The following RAPGEF5 variants were observed in gnomAD, a reference collection of about 807,000 sequenced individuals.
RAPGEF5 encodes the protein M-Ras-regulated GEF.
A neutral mutation model predicts 125.2 loss-of-function variants in RAPGEF5; 65 were observed. That is an observed-to-expected ratio of 0.52 (90% confidence interval 0.43 to 0.64). RAPGEF5 has a LOEUF of 0.64. Ranked by LOEUF, RAPGEF5 falls within the 30% of genes least tolerant of loss-of-function variation. The pLI is 0.00. For missense variants in RAPGEF5, 958 were observed against 1,048.1 expected (o/e 0.91, Z 1.19); for synonymous variants, 391 against 385.9 (o/e 1.01, Z -0.16).
In RAPGEF5 at chr7:22,291,193, A is replaced by G. The variant is rs1247385712; in HGVS notation, c.729T>C (p.Leu243=). 1 of 1,590,130 alleles carries G rather than the reference A, an allele frequency of 6.3e-7. No homozygotes were observed. Among genetic ancestry groups the G allele is most frequent in the Non-Finnish European group, 8.6e-7 (1 of 1,169,172 alleles). The change falls in exon 6 of 26, where the codon CTT becomes CTC. Residue 243 remains leucine, a synonymous_variant. Transcript: ENST00000665637. ...EDSEESSDEI[L]VRLTSAVQRE... ...GTCTTACCGCAGATGTTAGACGCACAAGAATTTCATCACTGCTTTCTTCGG... is the reference window on the plus strand; with the variant it reads ...GTCTTACCGCAGATGTTAGACGCACGAGAATTTCATCACTGCTTTCTTCGG...
intron 21 of RAPGEF5, among the ~76,000 whole-genome samples, chr7:22,139,017 G>C (rs370092800): frequency 1.3e-5 from 2 of 152,288 alleles, no homozygotes; most frequent in East Asian, 3.9e-4. Flanking sequence ...CTTTAAGGAG[G>C]ACTGACTCTG....
At chr7:22,178,693 G>A (rs753922575) in intron 11 of RAPGEF5, among the ~76,000 whole-genome samples, 1 of 152,162 alleles carries the variant, frequency 6.6e-6, no homozygotes, top group Non-Finnish European at 1.5e-5. Flanking sequence ...TATCTTCATG[G>A]CACATGGATG....
intron 24 of RAPGEF5, among the ~76,000 whole-genome samples, chr7:22,127,919 T>G (rs1034788223): frequency 4.6e-5 from 7 of 152,204 alleles, no homozygotes; most frequent in African/African-American, 1.7e-4. Flanking sequence ...AATAGGACAG[T>G]GATTATTGCA....
Position 22,147,025 on chromosome 7 carries a change from C to T in RAPGEF5, c.1885-6G>A. ...TCATTTTCTGCAAATGGGTTCTAAA[C>T]CAACAGAAGCAAAAAGATCCTCAGT... On this transcript the variant is annotated splice_polypyrimidine_tract_variant and splice_region_variant and intron_variant, in intron 18 of 25. Coordinates refer to ENST00000665637, the MANE Select transcript of RAPGEF5 (RefSeq NM_012294.5). 2 of 1,610,514 alleles carry T rather than the reference C, an allele frequency of 1.2e-6. No individual in the cohort carries two copies. The highest frequency in any genetic ancestry group is 2.2e-5 in the East Asian group (1 of 44,842).
chr7:22,307,254 A>C (rs1192787870), intron 5 of RAPGEF5, among the ~76,000 whole-genome samples: 1 of 152,144 alleles, frequency 6.6e-6, no homozygotes, highest in Admixed American at 6.6e-5. Context: ...TTTTCATTAC[A>C]GAGATCTTTC....
At chr7:22,232,922 C>G (rs1421303085) in intron 7 of RAPGEF5, among the ~76,000 whole-genome samples, 1 of 152,184 alleles carries the variant, frequency 6.6e-6, no homozygotes, top group East Asian at 1.9e-4. Context: ...TAGGATAACT[C>G]TGACCAGCTG....
chr7:22,174,077 T>C (rs1784433684), intron 11 of RAPGEF5, among the ~76,000 whole-genome samples: 1 of 152,100 alleles, frequency 6.6e-6, no homozygotes, highest in Admixed American at 6.6e-5. Context: ...AGAGTTACAG[T>C]GAAGATTAAA....
chr7:22,261,290 T>C (rs1232315040), intron 7 of RAPGEF5, among the ~76,000 whole-genome samples: 1 of 152,092 alleles, frequency 6.6e-6, no homozygotes, highest in East Asian at 1.9e-4. Flanking sequence ...ACTGCTAGTA[T>C]ATACAATTAA....
At chr7:22,196,352 G>A (rs1785147223) in intron 9 of RAPGEF5, among the ~76,000 whole-genome samples, 1 of 152,154 alleles carries the variant, frequency 6.6e-6, no homozygotes. Context: ...TTTTATTCTT[G>A]TGCTTGATTG....
Position 22,140,036 on chromosome 7 carries a change from G to GCGACAGT in RAPGEF5, c.2259_2265dup (p.Gln756ThrfsTer13). 6.4e-7 allele frequency: 1 copy of GCGACAGT among 1,565,464 alleles called. No individual in the cohort carries two copies. The highest frequency in any genetic ancestry group is 8.7e-7 in the Non-Finnish European group (1 of 1,154,500). The stretch of plus-strand genomic sequence containing the variant: ...ACTCCAAGGCTCACCTCCCAGGTCT[G>GCGACAGT]CGACAGTCGACTGACAGAAGCAGTG... On this transcript the variant is annotated frameshift_variant, in exon 21 of 26. Transcript: ENST00000665637. LOFTEE classifies it high-confidence loss of function.
intron 5 of RAPGEF5, among the ~76,000 whole-genome samples, chr7:22,305,830 T>C (rs1356202567): frequency 6.6e-6 from 1 of 152,202 alleles, no homozygotes; most frequent in Non-Finnish European, 1.5e-5. Flanking sequence ...CTGGCGTATG[T>C]CATTCAACAT....
chr7:22,271,683 CAT>C (rs1304253624), intron 6 of RAPGEF5, among the ~76,000 whole-genome samples: 1 of 152,174 alleles, frequency 6.6e-6, no homozygotes, highest in Non-Finnish European at 1.5e-5. Context: ...ACTGATAAAA[CAT>C]ATCCCAAATT....
At position 22,165,447 on chromosome 7, in the gene RAPGEF5, T is replaced by G. The variant is rs373914838; in HGVS notation, c.1283+1623A>C. On this transcript the variant is annotated intron_variant, in intron 12 of 25. Coordinates refer to ENST00000665637, the MANE Select transcript of RAPGEF5 (RefSeq NM_012294.5). ...CTCACAGATATTTTTCCAAAACACT[T>G]TTGAAGAAAGATGTTCAAAATCTTA... is the stretch of plus-strand genomic sequence containing the variant. Among the ~76,000 whole-genome samples the G allele has an allele frequency of 1.1e-4, 16 of 152,330 alleles. No homozygotes were observed. In the East Asian group the frequency reaches 2.5e-3, roughly 24 times the overall value.
chr7:22,272,852 G>A (rs1467032587), intron 6 of RAPGEF5, among the ~76,000 whole-genome samples: 1 of 152,114 alleles, frequency 6.6e-6, no homozygotes, highest in Non-Finnish European at 1.5e-5. Flanking sequence ...TGCCTTCTGG[G>A]GTCAAGCAAT....
chr7:22,251,328 A>T (rs968228534), intron 7 of RAPGEF5, among the ~76,000 whole-genome samples: 35 of 152,254 alleles, frequency 2.3e-4, no homozygotes, highest in African/African-American at 8.4e-4. Context: ...ATTTACCCAA[A>T]TACACAGAAT....
At chr7:22,145,270 G>T in intron 19 of RAPGEF5, 48 bp from the exon 20 acceptor site, 8 of 1,529,738 alleles carry the variant, frequency 5.2e-6, no homozygotes, top group Non-Finnish European at 7.1e-6. Context: ...GCAAAGTATG[G>T]TTGATACAAA....
intron 23 of RAPGEF5, among the ~76,000 whole-genome samples, chr7:22,133,660 C>T (rs983700456): frequency 5.3e-5 from 8 of 152,150 alleles, no homozygotes; most frequent in Non-Finnish European, 7.3e-5. Context: ...ATATGAAACC[C>T]ACCACAGGAA....
chr7:22,209,172 A>G (rs1252537164), intron 9 of RAPGEF5, among the ~76,000 whole-genome samples: 5 of 152,232 alleles, frequency 3.3e-5, no homozygotes, highest in African/African-American at 1.2e-4. Flanking sequence ...ATAGTTCAAC[A>G]AGTCATGAAA....
chr7:22,249,745 C>T (rs10250461), intron 7 of RAPGEF5, among the ~76,000 whole-genome samples: 16,155 of 152,126 alleles, frequency 0.11, 904 homozygotes, highest in East Asian at 0.19. Context: ...CCACCAAACA[C>T]CGTTTATAAA....
Sources: gnomAD v4.1 joint callset for allele counts (sites outside exome capture counted in the v4.1 genomes callset) on GRCh38, gnomAD v4.1.1 for gene constraint, MANE v1.5 for transcripts, NCBI Gene and HGNC (gene_info 2026-07-23, HGNC 2026-07-21) for gene names.